The following PALM2AKAP2 variants were observed in gnomAD, a reference collection of about 807,000 sequenced individuals.
PALM2AKAP2 encodes PALM2-AKAP2 fusion protein.
Under a neutral mutation model 71.5 loss-of-function variants are expected in PALM2AKAP2, and 37 were observed. The observed-to-expected ratio is 0.52, with a 90% CI of 0.40 to 0.68. The LOEUF is 0.68. Ranked by LOEUF, PALM2AKAP2 falls within the 30% of genes least tolerant of loss-of-function variation. The pLI is 0.00. For missense variants in PALM2AKAP2, 1,224 were observed against 1,191.8 expected (o/e 1.03, Z -0.40); for synonymous variants, 468 against 478.8 (o/e 0.98, Z 0.29).
At chr9:109,867,674 C>G (rs1829492798) in intron 2 of PALM2AKAP2, 103 bp downstream of exon 2, 2 of 1,314,424 alleles carry the variant, frequency 1.5e-6, no homozygotes, top group Middle Eastern at 2.7e-4. Flanking sequence ...TGCCGCCAAC[C>G]AAACCAGCCT....
intron 1 of PALM2AKAP2, among the ~76,000 whole-genome samples, chr9:109,806,231 T>A (rs917977265): frequency 6.6e-6 from 1 of 152,270 alleles, no homozygotes; most frequent in Admixed American, 6.5e-5. Flanking sequence ...TCTTTTTGAT[T>A]TATTTACAAA....
At chr9:110,061,702 C>G (rs578140945) in intron 1 of PALM2AKAP2, among the ~76,000 whole-genome samples, 141 of 151,242 alleles carry the variant, frequency 9.3e-4, no homozygotes, top group African/African-American at 3.3e-3. Flanking sequence ...CCACGCCTGG[C>G]TAATTTTTGT....
intron 7 of PALM2AKAP2, chr9:110,024,766 G>A: frequency 1.6e-6 from 1 of 619,782 alleles, no homozygotes. Flanking sequence ...CCTGGGTGAT[G>A]ACAGAGTATG....
chr9:109,703,639 C>T (rs1195906090), intron 1 of PALM2AKAP2, among the ~76,000 whole-genome samples: 1 of 151,990 alleles, frequency 6.6e-6, no homozygotes, highest in Admixed American at 6.6e-5. Context: ...AGAATAACTG[C>T]TTATTTATGA....
chr9:110,033,410 C>T (rs531949402), intron 7 of PALM2AKAP2, among the ~76,000 whole-genome samples: 1 of 152,228 alleles, frequency 6.6e-6, no homozygotes, highest in Non-Finnish European at 1.5e-5. Flanking sequence ...CTCTTTCCTT[C>T]TCTCCCTTCA....
intron 1 of PALM2AKAP2, among the ~76,000 whole-genome samples, chr9:109,773,706 C>A (rs13295493): frequency 6.6e-6 from 1 of 151,972 alleles, no homozygotes; most frequent in African/African-American, 2.4e-5. Context: ...AGTCACACAG[C>A]AAGTGGCAGA....
At chr9:110,055,318 C>T (rs1833811747) in intron 1 of PALM2AKAP2, among the ~76,000 whole-genome samples, 1 of 152,146 alleles carries the variant, frequency 6.6e-6, no homozygotes, top group Non-Finnish European at 1.5e-5. Context: ...GCCTCAGCCT[C>T]CTGAGTAGCT....
chr9:109,971,177 G>A (rs1465964175), intron 6 of PALM2AKAP2, among the ~76,000 whole-genome samples: 1 of 149,528 alleles, frequency 6.7e-6, no homozygotes, highest in Non-Finnish European at 1.5e-5. Flanking sequence ...CAAATGCCTA[G>A]AACCATGCCT....
At chr9:109,729,484 C>A (rs1368663451) in intron 1 of PALM2AKAP2, among the ~76,000 whole-genome samples, 1 of 152,168 alleles carries the variant, frequency 6.6e-6, no homozygotes, top group Non-Finnish European at 1.5e-5. Flanking sequence ...TGACTTTGAG[C>A]AAATCACTCA....
chr9:109,691,895 TATATATACACACAC>T (rs1257188914), intron 1 of PALM2AKAP2, among the ~76,000 whole-genome samples: 1 of 60,986 alleles, frequency 1.6e-5, no homozygotes, highest in South Asian at 4.7e-4. Context: ...TATATATATA[TATATATACACACAC>T]ACATATATAT....
chr9:109,785,345 T>C (rs563981174), intron 1 of PALM2AKAP2, among the ~76,000 whole-genome samples: 5 of 152,344 alleles, frequency 3.3e-5, no homozygotes, highest in African/African-American at 1.2e-4. Context: ...CTTCCTGAGG[T>C]GTGTAGAGCA....
At chr9:109,726,456 A>G (rs1828478859) in intron 1 of PALM2AKAP2, among the ~76,000 whole-genome samples, 1 of 152,230 alleles carries the variant, frequency 6.6e-6, no homozygotes. Flanking sequence ...GCTCTGCAGT[A>G]TGACTGGGAC....
chr9:110,107,983 A>T (rs1383556122), intron 1 of PALM2AKAP2, among the ~76,000 whole-genome samples: 3 of 151,738 alleles, frequency 2.0e-5, no homozygotes, highest in Non-Finnish European at 4.4e-5. Context: ...AAATAAGTTT[A>T]TTTTTTAAAC....
intron 1 of PALM2AKAP2, among the ~76,000 whole-genome samples, chr9:109,858,755 A>G (rs1251709302): frequency 6.6e-6 from 1 of 152,140 alleles, no homozygotes; most frequent in Non-Finnish European, 1.5e-5. Context: ...GGGCTTATCA[A>G]TGTGGTGTCA....
chr9:110,043,723 T>G (rs1833546528), upstream of PALM2AKAP2, among the ~76,000 whole-genome samples: 2 of 138,198 alleles, frequency 1.4e-5, no homozygotes, highest in Non-Finnish European at 3.1e-5. Context: ...GGTGTTTTTT[T>G]TTTTTTTTTT....
At chr9:110,087,772 G>A (rs945567050) in intron 1 of PALM2AKAP2, among the ~76,000 whole-genome samples, 3 of 152,170 alleles carry the variant, frequency 2.0e-5, no homozygotes, top group Non-Finnish European at 4.4e-5. Flanking sequence ...ACTGTTCTAG[G>A]CATGTAGGAG....
chr9:109,786,184 TG>T (rs1826960944), intron 1 of PALM2AKAP2, among the ~76,000 whole-genome samples: 1 of 152,234 alleles, frequency 6.6e-6, no homozygotes, highest in Non-Finnish European at 1.5e-5. Flanking sequence ...GCTTGGAGTG[TG>T]GGGCCAGTGG....
chr9:110,010,090 A>G (rs1296464913), intron 6 of PALM2AKAP2, among the ~76,000 whole-genome samples: 1 of 152,178 alleles, frequency 6.6e-6, no homozygotes, highest in Non-Finnish European at 1.5e-5. Flanking sequence ...ATGGTGGTTG[A>G]TTTCATTTAT....
intron 3 of PALM2AKAP2, among the ~76,000 whole-genome samples, chr9:109,896,306 A>G (rs1830201246): frequency 1.3e-5 from 2 of 152,228 alleles, no homozygotes; most frequent in African/African-American, 4.8e-5. Flanking sequence ...CCCTCCCATG[A>G]CACATGGGGA....
Sources: allele counts gnomAD v4.1 joint callset (sites outside exome capture counted in the v4.1 genomes callset), GRCh38; gene constraint gnomAD v4.1.1; transcripts MANE v1.5; gene names NCBI Gene and HGNC (gene_info 2026-07-23, HGNC 2026-07-21).